Variants in SLC12A2 observed in about 807,000 individuals in gnomAD.
SLC12A2 encodes Na-K-2Cl cotransporter 1.
A neutral mutation model predicts 136.3 loss-of-function variants in SLC12A2; 67 were observed. That is an observed-to-expected ratio of 0.49 (90% CI 0.40 to 0.60). SLC12A2 has a LOEUF of 0.60. Ranked by LOEUF, SLC12A2 falls within the 20% of genes least tolerant of loss-of-function variation. The pLI is 0.00. For missense variants in SLC12A2, 1,322 were observed against 1,534.7 expected, an observed-to-expected ratio of 0.86 and a Z score of 2.32; for synonymous variants, 619 against 562.9, an observed-to-expected ratio of 1.10 and a Z score of -1.41.
intron 9 of SLC12A2, among the ~76,000 whole-genome samples, chr5:128,139,776 T>G (rs572490950): frequency 6.6e-6 from 1 of 152,354 alleles, no homozygotes; most frequent in South Asian, 2.1e-4. Flanking sequence ...TAAAGAATCA[T>G]AAACTCCAAG....
At chr5:128,155,051 G>T (rs1212952037) in intron 15 of SLC12A2, among the ~76,000 whole-genome samples, 8 of 151,748 alleles carry the variant, frequency 5.3e-5, no homozygotes, top group Non-Finnish European at 1.0e-4. Context: ...AATAAGAGTT[G>T]CTTGAACACA....
intron 10 of SLC12A2, among the ~76,000 whole-genome samples, chr5:128,142,901 T>C (rs1009610111): frequency 2.0e-5 from 3 of 152,186 alleles, no homozygotes; most frequent in African/African-American, 7.2e-5. Flanking sequence ...GTTTTTGGGG[T>C]ACATGTGGTT....
At chr5:128,167,976 T>A (rs912991314) in intron 18 of SLC12A2, 109 bp downstream of exon 18, 2 of 593,336 alleles carry the variant, frequency 3.4e-6, no homozygotes, top group East Asian at 6.2e-5. Context: ...GTAATGGAAA[T>A]ATAAGAACGA....
At chr5:128,148,525 A>T (rs1031547998) in intron 11 of SLC12A2, among the ~76,000 whole-genome samples, 1 of 151,766 alleles carries the variant, frequency 6.6e-6, no homozygotes, top group Non-Finnish European at 1.5e-5. Context: ...ATTTAATTTC[A>T]ACATGGGGAT....
intron 1 of SLC12A2, among the ~76,000 whole-genome samples, chr5:128,104,350 A>G (rs1380813818): frequency 1.3e-5 from 2 of 152,110 alleles, no homozygotes; most frequent in Non-Finnish European, 2.9e-5. Context: ...AAACATTTGA[A>G]TCCGGGTGTG....
chr5:128,084,980 C>A lies in SLC12A2; in HGVS notation c.756+270C>A, dbSNP rs908163497. On this transcript the variant is annotated intron_variant, in intron 1 of 26. Transcript: ENST00000262461. This position sits in a 1 kb window ranked among gnomAD's most constrained non-coding sequence, Gnocchi z 5.6. Reference sequence around the variant, plus strand: ...CAGTTAGGTATCTCGTGTGCACTTTCTTTCCCACCCACGCTCAACAGTCAC... The same window carrying A: ...CAGTTAGGTATCTCGTGTGCACTTTATTTCCCACCCACGCTCAACAGTCAC... Among the ~76,000 whole-genome samples, 1 of 149,874 alleles carries A rather than the reference C, an allele frequency of 6.7e-6. No individual in the cohort carries two copies. Among genetic ancestry groups the A allele is most frequent in the Non-Finnish European group, 1.5e-5 (1 of 67,642 alleles).
At chr5:128,134,946 T>G (rs1416120702) in intron 6 of SLC12A2, among the ~76,000 whole-genome samples, 1 of 152,104 alleles carries the variant, frequency 6.6e-6, no homozygotes, top group Admixed American at 6.5e-5. Context: ...AAAGAATAAT[T>G]TTTTCAATCT....
intron 1 of SLC12A2, chr5:128,109,816 G>T (rs1761079258): frequency 1.3e-6 from 1 of 794,924 alleles, no homozygotes; most frequent in Non-Finnish European, 2.3e-6. Context: ...ATCTGAAGAT[G>T]GGAGTTAAAT....
At chr5:128,093,839 T>A (rs569121942) in intron 1 of SLC12A2, among the ~76,000 whole-genome samples, 2 of 152,284 alleles carry the variant, frequency 1.3e-5, no homozygotes, top group East Asian at 3.9e-4. Flanking sequence ...CCATCACTAT[T>A]GTGCCCAAAA....
chr5:128,112,867 T>TG lies in SLC12A2; in HGVS notation c.811dup (p.Ala271GlyfsTer10). 6.2e-7 allele frequency: 1 copy of TG among 1,612,740 alleles called. No homozygotes were observed. The highest frequency in any genetic ancestry group is 8.5e-7 in the Non-Finnish European group (1 of 1,178,872). ...GGGAAGAAAGTACTCCAACCAGAGA[T>TG]GCTGTGGTCACGTATACTGCAGAAA... On this transcript the variant is annotated frameshift_variant, in exon 2 of 27. Transcript: ENST00000262461. LOFTEE classifies it high-confidence loss of function.
chr5:128,159,939 G>A (rs759722776), intron 16 of SLC12A2, among the ~76,000 whole-genome samples: 5 of 152,132 alleles, frequency 3.3e-5, no homozygotes, highest in Non-Finnish European at 7.3e-5. Flanking sequence ...ACATACACAC[G>A]TATGTTTATT....
intron 4 of SLC12A2, among the ~76,000 whole-genome samples, chr5:128,126,964 A>T (rs373777690): frequency 0.08 from 1,719 of 21,592 alleles, 82 homozygotes; most frequent in Non-Finnish European, 0.094. Flanking sequence ...ATATATATAT[A>T]TATTTTTTTT....
At chr5:128,177,271 G>C in intron 21 of SLC12A2, 119 bp downstream of exon 21, 1 of 660,884 alleles carries the variant, frequency 1.5e-6, no homozygotes, top group East Asian at 3.2e-5. Flanking sequence ...TAATGTTACA[G>C]TTCTATAAAT....
chr5:128,100,073 G>C (rs1316624587), intron 1 of SLC12A2, among the ~76,000 whole-genome samples: 1 of 152,060 alleles, frequency 6.6e-6, no homozygotes, highest in Non-Finnish European at 1.5e-5. Context: ...CAGCTTAGTA[G>C]GTTTGTTTAT....
intron 17 of SLC12A2, among the ~76,000 whole-genome samples, chr5:128,166,217 G>T (rs978411493): frequency 2.0e-5 from 3 of 151,858 alleles, no homozygotes; most frequent in African/African-American, 7.3e-5. Flanking sequence ...AATCCTATGT[G>T]TGACCTCACA....
intron 15 of SLC12A2, among the ~76,000 whole-genome samples, chr5:128,153,439 C>T (rs1762770723): frequency 6.6e-6 from 1 of 152,124 alleles, no homozygotes; most frequent in African/African-American, 2.4e-5. Context: ...CCTGTAGTCC[C>T]AGCTACTTGG....
chr5:128,106,800 T>G (rs950444018), intron 1 of SLC12A2, among the ~76,000 whole-genome samples: 2 of 152,282 alleles, frequency 1.3e-5, no homozygotes, highest in African/African-American at 4.8e-5. Flanking sequence ...ACAGCAAAAA[T>G]TTTTGGATGC....
At chr5:128,183,493 G>C (rs1307777345) in intron 24 of SLC12A2, among the ~76,000 whole-genome samples, 1 of 151,690 alleles carries the variant, frequency 6.6e-6, no homozygotes, top group East Asian at 1.9e-4. Flanking sequence ...AATTTGTAAG[G>C]TTGTAATCAG....
In SLC12A2 at chr5:128,121,617, C is replaced by T. The variant is rs192128165; in HGVS notation, c.1048+6936C>T. ...GATTACAGGCTTGAGACACTGCGCC[C>T]GGCTGATTTGGGGTACTATTTAAAG... is the stretch of plus-strand genomic sequence containing the variant. On this transcript the variant is annotated intron_variant, in intron 4 of 26. Coordinates refer to ENST00000262461, the MANE Select transcript of SLC12A2 (RefSeq NM_001046.3). Among the ~76,000 whole-genome samples, 257 of 152,160 alleles carry T rather than the reference C, an allele frequency of 1.7e-3. 8 individuals are homozygous for T. The Middle Eastern group carries it at 0.017, about 10-fold the overall frequency.
Sources: gnomAD v4.1 joint callset for allele counts (sites outside exome capture counted in the v4.1 genomes callset) on GRCh38, gnomAD v4.1.1 for gene constraint, Gnocchi (gnomAD v3.1) non-coding constraint, MANE v1.5 for transcripts, NCBI Gene and HGNC (gene_info 2026-07-23, HGNC 2026-07-21) for gene names.